Variants in SRGAP2 observed in about 807,000 individuals in gnomAD.
The protein encoded by SRGAP2 is SLIT-ROBO Rho GTPase activating protein 2.
Under a neutral mutation model 57.2 loss-of-function variants are expected in SRGAP2, and 15 were observed. The ratio of observed to expected loss-of-function variants is 0.26; its 90% confidence interval spans 0.18 to 0.40. The LOEUF (loss-of-function observed/expected upper bound fraction) is 0.40. SRGAP2 is among the 10% of genes least tolerant of loss of function. The pLI, the probability that SRGAP2 is intolerant of heterozygous loss-of-function variation, is 1.00. For synonymous variants in SRGAP2, 249 were observed against 248.0 expected (o/e 1.00, Z -0.04); for missense variants, 520 against 669.6 (o/e 0.78, Z 2.47).
At chr1:206,376,528 AG>A (rs1169657795) in intron 4 of SRGAP2, among the ~76,000 whole-genome samples, 4 of 151,980 alleles carry the variant, frequency 2.6e-5, no homozygotes, top group Non-Finnish European at 5.9e-5. Flanking sequence ...GTGAGTGTTG[AG>A]GGGGCTGGAT....
intron 2 of SRGAP2, among the ~76,000 whole-genome samples, chr1:206,244,963 T>G (rs1668457378): frequency 6.7e-6 from 1 of 149,358 alleles, no homozygotes; most frequent in South Asian, 2.2e-4. Flanking sequence ...ATGTTCTTGT[T>G]TATGTTAACT....
intron 8 of SRGAP2, among the ~76,000 whole-genome samples, chr1:206,402,520 T>C (rs1658287557): frequency 6.6e-6 from 1 of 152,270 alleles, no homozygotes; most frequent in South Asian, 2.1e-4. Flanking sequence ...GGAGGTTGTA[T>C]AGGGCTTATG....
chr1:206,303,764 C>G (rs1247415498), intron 3 of SRGAP2, among the ~76,000 whole-genome samples: 6 of 151,996 alleles, frequency 3.9e-5, no homozygotes, highest in Admixed American at 1.3e-4. Context: ...TGCTTAATCC[C>G]AACAACTCCA....
intron 7 of SRGAP2, among the ~76,000 whole-genome samples, chr1:206,396,107 C>T (rs1382611925): frequency 1.3e-4 from 19 of 149,402 alleles, no homozygotes; most frequent in Non-Finnish European, 2.7e-4. Context: ...CTCAGCCTCC[C>T]GAGTAGCTGG....
At chr1:206,420,406 G>T (rs1660191850) in intron 12 of SRGAP2, among the ~76,000 whole-genome samples, 1 of 152,162 alleles carries the variant, frequency 6.6e-6, no homozygotes, top group Non-Finnish European at 1.5e-5. Flanking sequence ...TCTGTGGAAG[G>T]CTCTGTAGGA....
chr1:206,374,401 G>T (rs1235995966), intron 4 of SRGAP2, among the ~76,000 whole-genome samples: 139 of 136,188 alleles, frequency 1.0e-3, no homozygotes, highest in Non-Finnish European at 1.7e-3. Flanking sequence ...GCTTAGGGGA[G>T]AAATTAGAGC....
In SRGAP2 at chr1:206,459,207, G is replaced by A. The variant is rs555311188; in HGVS notation, c.2832+260G>A. Reference sequence around the variant, plus strand: ...TCATACACTGGCTATTAGGAAGGCTGTTGTAATTTTTAAAGCCGGTATTAA... The same window carrying A: ...TCATACACTGGCTATTAGGAAGGCTATTGTAATTTTTAAAGCCGGTATTAA... On this transcript the variant is annotated intron_variant, in intron 22 of 22. Coordinates refer to ENST00000573034, the MANE Select transcript of SRGAP2 (RefSeq NM_015326.5). 1.2e-4 allele frequency among the ~76,000 whole-genome samples: 19 copies of A among 152,314 alleles called. No individual in the cohort carries two copies. The South Asian group carries it at 3.5e-3, about 28-fold the overall frequency.
chr1:206,420,149 G>T (rs1388173435), intron 12 of SRGAP2, among the ~76,000 whole-genome samples: 2 of 152,102 alleles, frequency 1.3e-5, no homozygotes, highest in Non-Finnish European at 2.9e-5. Context: ...GAGACCCTGG[G>T]TTAGCCCATT....
At position 206,453,373 on chromosome 1, in the gene SRGAP2, C is replaced by G. The variant is rs377297991; in HGVS notation, c.2353C>G (p.Gln785Glu). 2.9e-6 allele frequency: 2 copies of G among 686,056 alleles called. No individual in the cohort carries two copies. The highest frequency in any genetic ancestry group is 5.5e-6 in the Non-Finnish European group (2 of 365,540). The allele number at this position is 686,056 out of a possible 1,614,324, so 42.5% of individuals were successfully genotyped here. Residue 785 changes from glutamine to glutamate, a missense_variant, in exon 20 of 23, where the codon CAA becomes GAA. Around this residue, in one of 5 missense-constraint regions of SRGAP2, gnomAD observed 478 missense variants for 373.6 expected, o/e 1.28. Transcript: ENST00000573034. ...GLIPHQYIVVQDTEDGVVERS... is the reference protein window; with the variant it reads ...GLIPHQYIVVEDTEDGVVERS... ...CATCCCCCATCAGTACATCGTGGTC[C>G]AAGACACGTACGTTGGGCCCATGGC...
intron 4 of SRGAP2, among the ~76,000 whole-genome samples, chr1:206,352,803 A>G (rs1325052130): frequency 6.6e-6 from 1 of 151,322 alleles, no homozygotes; most frequent in East Asian, 1.9e-4. Flanking sequence ...TATGTAATAT[A>G]TCATCTTTTT....
intron 3 of SRGAP2, among the ~76,000 whole-genome samples, chr1:206,332,944 C>T (rs1553332361): frequency 6.6e-6 from 1 of 151,896 alleles, no homozygotes; most frequent in African/African-American, 2.4e-5. Context: ...GTGGTTTTCT[C>T]TACTTTTGGT....
intron 2 of SRGAP2, among the ~76,000 whole-genome samples, chr1:206,230,689 C>T (rs1286014636): frequency 1.4e-5 from 2 of 141,960 alleles, no homozygotes; most frequent in Non-Finnish European, 3.1e-5. Flanking sequence ...TGCAGTGGTG[C>T]GATCTCGGCT....
intron 18 of SRGAP2, among the ~76,000 whole-genome samples, chr1:206,449,460 T>C (rs562953990): frequency 2.0e-5 from 3 of 151,470 alleles, no homozygotes; most frequent in African/African-American, 7.3e-5. Context: ...TTTTTTTTTT[T>C]TTCTTTTTTT....
intron 4 of SRGAP2, among the ~76,000 whole-genome samples, chr1:206,375,823 CA>C (rs1443853109): frequency 6.6e-6 from 1 of 152,088 alleles, no homozygotes; most frequent in Non-Finnish European, 1.5e-5. Flanking sequence ...ACAAAGTTCA[CA>C]TCATGCCAAG....
At chr1:206,260,037 T>A (rs574519137) in intron 2 of SRGAP2, among the ~76,000 whole-genome samples, 857 of 50,276 alleles carry the variant, frequency 0.017, 26 homozygotes, top group African/African-American at 0.062. Flanking sequence ...GGAGGACCAC[T>A]CTCTATCCCG....
chr1:206,306,703 C>T (rs1269064684), intron 3 of SRGAP2, among the ~76,000 whole-genome samples: 1 of 152,144 alleles, frequency 6.6e-6, no homozygotes, highest in Non-Finnish European at 1.5e-5. Context: ...CAAAGGTTCT[C>T]CACCTCCCCA....
At chr1:206,238,513 A>C (rs1668020509) in intron 2 of SRGAP2, among the ~76,000 whole-genome samples, 1 of 51,304 alleles carries the variant, frequency 1.9e-5, no homozygotes, top group Admixed American at 2.2e-4. Context: ...AGGAGGTGGT[A>C]CAAGGTCTAA....
chr1:206,328,159 A>G (rs1674106377), intron 3 of SRGAP2, among the ~76,000 whole-genome samples: 1 of 81,084 alleles, frequency 1.2e-5, no homozygotes, highest in Non-Finnish European at 2.1e-5. Flanking sequence ...ATGGCTGCAT[A>G]GTATTCCATG....
intron 2 of SRGAP2, among the ~76,000 whole-genome samples, chr1:206,275,839 T>C (rs1670380054): frequency 6.6e-6 from 1 of 152,030 alleles, no homozygotes; most frequent in Non-Finnish European, 1.5e-5. Context: ...ATGGTCTCGA[T>C]CTCTTGACCT....
Sources: allele counts gnomAD v4.1 joint callset (sites outside exome capture counted in the v4.1 genomes callset), GRCh38; gene constraint gnomAD v4.1.1; regional missense constraint gnomAD v4.1.1; transcripts MANE v1.5; gene names NCBI Gene and HGNC (gene_info 2026-07-23, HGNC 2026-07-21).